Variants in CAMK2D observed in about 807,000 individuals in gnomAD.
CAMK2D encodes the protein calcium/calmodulin-dependent protein kinase type II subunit delta.
CAMK2D carries 37 observed loss-of-function variants against 84.0 expected under a neutral mutation model. That is an observed-to-expected ratio of 0.44 (90% CI 0.34 to 0.58). CAMK2D has a LOEUF of 0.58. Ranked by LOEUF, CAMK2D falls within the 20% of genes least tolerant of loss-of-function variation. The probability of loss-of-function intolerance (pLI) is 0.02; values close to 1 mark genes in which losing one functional copy is unlikely to be tolerated. For missense variants in CAMK2D, 448 were observed against 652.5 expected, an observed-to-expected ratio of 0.69 and a Z score of 3.41; for synonymous variants, 202 against 212.5, an observed-to-expected ratio of 0.95 and a Z score of 0.43.
chr4:113,576,320 T>C (rs548317223), intron 4 of CAMK2D, among the ~76,000 whole-genome samples: 1 of 152,330 alleles, frequency 6.6e-6, no homozygotes, highest in African/African-American at 2.4e-5. Context: ...TAATCTCCTT[T>C]ACCAACCCCT....
intron 2 of CAMK2D, among the ~76,000 whole-genome samples, chr4:113,723,975 A>G (rs925989570): frequency 6.6e-6 from 1 of 152,140 alleles, no homozygotes; most frequent in Non-Finnish European, 1.5e-5. Context: ...CTTTTGTTAT[A>G]TAACATATTG....
At chr4:113,636,676 C>T (rs1476130889) in intron 3 of CAMK2D, among the ~76,000 whole-genome samples, 1 of 152,138 alleles carries the variant, frequency 6.6e-6, no homozygotes, top group East Asian at 1.9e-4. Flanking sequence ...TCACTGTGAA[C>T]TCAAATAGTG....
intron 16 of CAMK2D, among the ~76,000 whole-genome samples, chr4:113,473,857 G>C (rs563992734): frequency 6.6e-6 from 1 of 152,008 alleles, no homozygotes; most frequent in East Asian, 1.9e-4. Context: ...GTTTTTTTTA[G>C]TTTGCAAGGA....
At chr4:113,603,099 C>T (rs10025791) in intron 4 of CAMK2D, among the ~76,000 whole-genome samples, 88,426 of 151,944 alleles carry the variant, frequency 0.58, 26,402 homozygotes, top group East Asian at 0.97. Flanking sequence ...TCTCCAGAGC[C>T]GCTGAGGTGT....
chr4:113,541,994 T>C (rs541890507), intron 6 of CAMK2D, among the ~76,000 whole-genome samples: 1 of 152,248 alleles, frequency 6.6e-6, no homozygotes. Context: ...AGCAGATGTA[T>C]GTGCTATAAG....
chr4:113,655,689 T>C (rs866957926), intron 3 of CAMK2D, among the ~76,000 whole-genome samples: 1 of 152,114 alleles, frequency 6.6e-6, no homozygotes, highest in Non-Finnish European at 1.5e-5. Context: ...TGCAAAGTTG[T>C]CTCAAATATT....
At chr4:113,518,720 T>G (rs1343209423) in intron 8 of CAMK2D, among the ~76,000 whole-genome samples, 5 of 152,128 alleles carry the variant, frequency 3.3e-5, no homozygotes, top group African/African-American at 1.2e-4. Context: ...GAGACTTATT[T>G]TTTCCCTTAT....
chr4:113,577,317 T>C (rs906532879), intron 4 of CAMK2D, among the ~76,000 whole-genome samples: 3 of 151,264 alleles, frequency 2.0e-5, no homozygotes, highest in Non-Finnish European at 4.4e-5. Context: ...TCAATCTTTC[T>C]TCATTTTGTA....
chr4:113,609,284 T>C, intron 3 of CAMK2D, 78 bp from the exon 4 acceptor site: 1 of 774,992 alleles, frequency 1.3e-6, no homozygotes, highest in Admixed American at 1.8e-5. Context: ...CACATGGACA[T>C]ATGTCTCCTA....
chr4:113,711,361 G>A (rs887818762), intron 2 of CAMK2D, among the ~76,000 whole-genome samples: 3 of 151,692 alleles, frequency 2.0e-5, no homozygotes, highest in South Asian at 4.2e-4. Context: ...TACCCCAACT[G>A]TCTCAATGGA....
chr4:113,487,020 G>T (rs1225013260), intron 16 of CAMK2D, among the ~76,000 whole-genome samples: 1 of 152,156 alleles, frequency 6.6e-6, no homozygotes, highest in Non-Finnish European at 1.5e-5. Context: ...GCACTAAATT[G>T]AAAAGTGAAA....
chr4:113,632,167 C>G (rs1311543160), intron 3 of CAMK2D, among the ~76,000 whole-genome samples: 1 of 152,128 alleles, frequency 6.6e-6, no homozygotes, highest in East Asian at 1.9e-4. Context: ...AAATCCAAAA[C>G]AATGAAATAT....
intron 16 of CAMK2D, among the ~76,000 whole-genome samples, chr4:113,487,080 G>C (rs1366044751): frequency 6.6e-6 from 1 of 152,176 alleles, no homozygotes; most frequent in African/African-American, 2.4e-5. Flanking sequence ...TTCTACACAA[G>C]CTCTTTCATT....
intron 8 of CAMK2D, among the ~76,000 whole-genome samples, chr4:113,520,264 C>T (rs555316744): frequency 1.3e-5 from 2 of 151,850 alleles, no homozygotes; most frequent in African/African-American, 2.4e-5. Context: ...AAAAATTAAC[C>T]GGGCATGGTG....
chr4:113,462,221 T>C (rs1031898502), intron 17 of CAMK2D, among the ~76,000 whole-genome samples: 2 of 151,998 alleles, frequency 1.3e-5, no homozygotes, highest in African/African-American at 4.8e-5. Context: ...TGTGCCATGA[T>C]GGATCTTCTT....
chr4:113,734,471 A>G (rs1451860235), intron 2 of CAMK2D, among the ~76,000 whole-genome samples: 1 of 152,144 alleles, frequency 6.6e-6, no homozygotes, highest in Non-Finnish European at 1.5e-5. Flanking sequence ...TTTTATTCCT[A>G]TAGTAATTTT....
chr4:113,525,048 G>T (rs1217297744), intron 8 of CAMK2D, among the ~76,000 whole-genome samples: 1 of 152,150 alleles, frequency 6.6e-6, no homozygotes, highest in African/African-American at 2.4e-5. Context: ...AATGACTAAA[G>T]TAACTGATAA....
intron 16 of CAMK2D, among the ~76,000 whole-genome samples, chr4:113,484,394 C>A (rs921874458): frequency 2.6e-5 from 4 of 152,118 alleles, no homozygotes; most frequent in Non-Finnish European, 5.9e-5. Flanking sequence ...TGAAAGGAGG[C>A]CATTAGGGCT....
intron 4 of CAMK2D, among the ~76,000 whole-genome samples, chr4:113,596,740 T>C (rs945189866): frequency 6.6e-5 from 10 of 152,146 alleles, no homozygotes; most frequent in Non-Finnish European, 1.2e-4. Context: ...TGTAAACAGA[T>C]GTGCTGTCGT....
Sources: gnomAD v4.1 joint callset for allele counts (sites outside exome capture counted in the v4.1 genomes callset) on GRCh38, gnomAD v4.1.1 for gene constraint, MANE v1.5 for transcripts, NCBI Gene and HGNC (gene_info 2026-07-23, HGNC 2026-07-21) for gene names.